Variants in PLXNA4 observed in about 807,000 individuals in gnomAD.
PLXNA4 encodes the protein plexin A4, also known as plexin-A4.
PLXNA4 carries 44 observed loss-of-function variants against 191.8 expected under a neutral mutation model. The observed-to-expected ratio is 0.23, with a 90% confidence interval of 0.18 to 0.29. The LOEUF (loss-of-function observed/expected upper bound fraction) is 0.29. PLXNA4 is among the 10% of genes least tolerant of loss of function. PLXNA4 has a pLI of 1.00. For synonymous variants in PLXNA4, 1,082 were observed against 1,009.5 expected (o/e 1.07, Z -1.36); for missense variants, 1,800 against 2,488.8 (o/e 0.72, Z 5.89).
Position 132,174,180 on chromosome 7 carries a change from T to C in PLXNA4, c.4017+598A>G, listed in dbSNP as rs1796381518. ...CTCTGGTATTTATCTCTGTAAGCCATTCCAAAGCCCTTTCAGGACAAAGTA... is the reference window on the plus strand; with the variant it reads ...CTCTGGTATTTATCTCTGTAAGCCACTCCAAAGCCCTTTCAGGACAAAGTA... On this transcript the variant is annotated intron_variant, in intron 21 of 31. Coordinates refer to ENST00000321063, the MANE Select transcript of PLXNA4 (RefSeq NM_020911.2). 2.6e-5 allele frequency among the ~76,000 whole-genome samples: 4 copies of C among 152,206 alleles called. No homozygotes were observed. The South Asian group carries it at 8.3e-4, about 32-fold the overall frequency.
At position 132,168,397 on chromosome 7, in the gene PLXNA4, A is replaced by G; in HGVS notation, c.4193T>C (p.Leu1398Pro). The change falls in exon 22 of 32, where the codon CTG (leucine) becomes CCG (proline). Residue 1398 changes from leucine (L) to proline (P), a missense_variant. By Grantham distance (98) the Leu-to-Pro change is moderately conservative. Around this residue, in one of 6 missense-constraint regions of PLXNA4, gnomAD observed 1,397 missense variants for 1,880.4 expected, o/e 0.74. Transcript: ENST00000321063. Reference sequence around the variant, plus strand: ...CTTCAGCACATCAGTGGCGTACTCCAGCTTGCTCTGCAGCACGGTCATGAT... The same window carrying G: ...CTTCAGCACATCAGTGGCGTACTCCGGCTTGCTCTGCAGCACGGTCATGAT... ...SLIMTVLQSK[L>P]EYATDVLKQL... The G allele has an allele frequency of 6.2e-7, 1 of 1,613,690 alleles. No individual in the cohort carries two copies. The highest frequency in any genetic ancestry group is 1.1e-5 in the South Asian group (1 of 91,034).
chr7:132,520,264 G>A (rs1034884761), intron 1 of PLXNA4, among the ~76,000 whole-genome samples: 2 of 152,164 alleles, frequency 1.3e-5, no homozygotes, highest in African/African-American at 4.8e-5. Context: ...CTGTTAAGTG[G>A]ATGTAAGTCA....
intron 22 of PLXNA4, among the ~76,000 whole-genome samples, chr7:132,167,321 G>A (rs1208121459): frequency 6.6e-6 from 1 of 152,144 alleles, no homozygotes; most frequent in African/African-American, 2.4e-5. Flanking sequence ...GAGGCCTCCA[G>A]GGTGTTGAGT....
chr7:132,279,049 G>T (rs1051787712), intron 4 of PLXNA4, among the ~76,000 whole-genome samples: 3 of 152,162 alleles, frequency 2.0e-5, no homozygotes, highest in Admixed American at 6.5e-5. Context: ...CTCCCAGAGG[G>T]TATAGAGCTT....
chr7:132,329,614 C>T (rs1441176750), intron 3 of PLXNA4, among the ~76,000 whole-genome samples: 1 of 152,144 alleles, frequency 6.6e-6, no homozygotes, highest in Non-Finnish European at 1.5e-5. Context: ...TCATGGGCCT[C>T]CAGCTCCTTT....
At chr7:132,589,944 C>T (rs913504039) in intron 2 of PLXNA4, among the ~76,000 whole-genome samples, 31 of 152,058 alleles carry the variant, frequency 2.0e-4, no homozygotes, top group Admixed American at 7.9e-4. Context: ...TGAGGTGGGA[C>T]GCAGAAGAGA....
intron 3 of PLXNA4, among the ~76,000 whole-genome samples, chr7:132,411,522 C>T (rs186117119): frequency 2.6e-5 from 4 of 152,284 alleles, no homozygotes; most frequent in Admixed American, 6.5e-5. Flanking sequence ...GCCATTGTTA[C>T]GATTGTGGCT....
intron 3 of PLXNA4, among the ~76,000 whole-genome samples, chr7:132,469,051 C>T (rs1180815322): frequency 6.8e-6 from 1 of 147,828 alleles, no homozygotes; most frequent in African/African-American, 2.5e-5. Flanking sequence ...ACATATCCCT[C>T]AGACTAACCC....
chr7:132,210,684 C>A (rs1049889605), intron 10 of PLXNA4, among the ~76,000 whole-genome samples: 1 of 152,228 alleles, frequency 6.6e-6, no homozygotes, highest in East Asian at 1.9e-4. Flanking sequence ...CCCTTCTAAT[C>A]CTGTCTTACA....
intron 2 of PLXNA4, among the ~76,000 whole-genome samples, chr7:132,631,061 G>A (rs1463299493): frequency 1.3e-5 from 2 of 152,140 alleles, no homozygotes; most frequent in African/African-American, 2.4e-5. Context: ...TGTCTGGGAT[G>A]GAGTCCAAAA....
intron 12 of PLXNA4, among the ~76,000 whole-genome samples, chr7:132,199,271 G>C (rs769576730): frequency 6.6e-6 from 1 of 152,210 alleles, no homozygotes; most frequent in East Asian, 1.9e-4. Context: ...TATGTCTTGC[G>C]TTGTCATGTG....
intron 9 of PLXNA4, among the ~76,000 whole-genome samples, chr7:132,221,779 T>C (rs553411142): frequency 2.6e-5 from 4 of 152,312 alleles, no homozygotes; most frequent in South Asian, 2.1e-4. Flanking sequence ...TGTGAATCCA[T>C]AGTAGCTATT....
intron 2 of PLXNA4, among the ~76,000 whole-genome samples, chr7:132,621,063 CCAAAGGCCCTACCAA>C (rs1803251032): frequency 6.6e-6 from 1 of 152,062 alleles, no homozygotes; most frequent in East Asian, 1.9e-4. Flanking sequence ...AAATCACATC[CCAAAGGCCCTACCAA>C]CAAATACCAT....
At position 132,227,065 on chromosome 7, in the gene PLXNA4, T is replaced by C. The variant is rs549009496; in HGVS notation, c.1882+386A>G. Among the ~76,000 whole-genome samples the C allele has an allele frequency of 2.8e-4, 43 of 152,252 alleles. 1 individual carries two copies. The South Asian group carries it at 8.7e-3, about 31-fold the overall frequency. On this transcript the variant is annotated intron_variant, in intron 7 of 31. Coordinates refer to ENST00000321063, the MANE Select transcript of PLXNA4 (RefSeq NM_020911.2). ...GGAGGCAGTGGTCCAGGGTCAGAGA[T>C]CGGCCATGTGAGCATCCCTGCTCCA... is the stretch of plus-strand genomic sequence containing the variant.
At chr7:132,474,545 G>C (rs572471136) in intron 3 of PLXNA4, among the ~76,000 whole-genome samples, 1 of 151,806 alleles carries the variant, frequency 6.6e-6, no homozygotes, top group South Asian at 2.1e-4. Context: ...AGTAGCCAAG[G>C]GTGGCTCTGA....
intron 3 of PLXNA4, among the ~76,000 whole-genome samples, chr7:132,468,734 G>GCACA (rs36218194): frequency 0.012 from 1,673 of 145,270 alleles, 36 homozygotes; most frequent in African/African-American, 0.039. Flanking sequence ...ATATGCACAC[G>GCACA]CACACACACA....
chr7:132,184,516 A>G (rs187140539), intron 16 of PLXNA4, among the ~76,000 whole-genome samples: 68 of 152,222 alleles, frequency 4.5e-4, no homozygotes, highest in Middle Eastern at 3.4e-3. Context: ...TGCCTACTCC[A>G]TCTCCCTTGA....
intron 1 of PLXNA4, among the ~76,000 whole-genome samples, chr7:132,562,073 T>TCC: frequency 1.7e-5 from 1 of 58,212 alleles, no homozygotes; most frequent in African/African-American, 8.2e-5. Context: ...TCTCCTCCTC[T>TCC]TCCTCCTCCT....
In PLXNA4 at chr7:132,211,086, G is replaced by T; in HGVS notation, c.2155C>A (p.Pro719Thr). 6.3e-7 allele frequency: 1 copy of T among 1,597,970 alleles called. No homozygotes were observed. Among genetic ancestry groups the T allele is most frequent in the Non-Finnish European group, 8.5e-7 (1 of 1,172,040 alleles). Reference sequence around the variant, plus strand: ...AGGTTCTTGGCCTTCAGCGTGATAGGCTTGATCACCTCCACGGGCACCAGG... The same window carrying T: ...AGGTTCTTGGCCTTCAGCGTGATAGTCTTGATCACCTCCACGGGCACCAGG... ...KILVPVEVIK[P>T]ITLKAKNLPQ... Residue 719 changes from proline to threonine, a missense_variant, in exon 10 of 32, where the codon CCT becomes ACT. By Grantham distance (38) the Pro-to-Thr change is conservative (BLOSUM62 -1). Around this residue, in one of 6 missense-constraint regions of PLXNA4, gnomAD observed 1,397 missense variants for 1,880.4 expected, o/e 0.74. Coordinates refer to ENST00000321063, the MANE Select transcript of PLXNA4 (RefSeq NM_020911.2).
Sources: gnomAD v4.1 joint callset for allele counts (sites outside exome capture counted in the v4.1 genomes callset) on GRCh38, gnomAD v4.1.1 for gene constraint, gnomAD v4.1.1 regional missense constraint, MANE v1.5 for transcripts, NCBI Gene and HGNC (gene_info 2026-07-23, HGNC 2026-07-21) for gene names.